The following TACC2 variants were observed in gnomAD, a reference collection of about 807,000 sequenced individuals.
The protein encoded by TACC2 is transforming acidic coiled-coil containing protein 2.
A neutral mutation model predicts 227.3 loss-of-function variants in TACC2; 137 were observed. That is an observed-to-expected ratio of 0.60 (90% CI 0.52 to 0.69). TACC2 has a LOEUF of 0.69. Among genes scored for constraint, TACC2 ranks in the 30% least tolerant of loss-of-function variants. The pLI is 0.00. For synonymous variants in TACC2, 1,523 were observed against 1,487.5 expected (o/e 1.02, Z -0.55); for missense variants, 3,470 against 3,694.4 (o/e 0.94, Z 1.57).
rs147270978 is a variant in TACC2 at position 122,141,181 on chromosome 10, A to G, written c.5700-2391A>G. 1.4e-3 allele frequency among the ~76,000 whole-genome samples: 219 copies of G among 151,710 alleles called. No homozygotes were observed. The highest frequency in any genetic ancestry group is 2.5e-3 in the Non-Finnish European group (171 of 67,914). On this transcript the variant is annotated intron_variant, in intron 6 of 22. Coordinates refer to ENST00000369005, the MANE Select transcript of TACC2 (RefSeq NM_206862.4). This position sits in a 1 kb window ranked among gnomAD's most constrained non-coding sequence, Gnocchi z 4.3. ...CTGGGAAAATTGGGGGAGGAGGAGG[A>G]GGGTCAGGAGGGAAGAGGAGAAGTT...
In TACC2 at chr10:122,237,505, C is replaced by T. The variant is rs2095879686; in HGVS notation, c.8238C>T (p.Asp2746=). Residue 2746 remains aspartate, a synonymous_variant, in exon 17 of 23, where the codon GAC becomes GAT. Transcript: ENST00000369005. The part of the protein sequence containing the change: ...KPAGLLFQQP[D]LDSALQIARA... ...CAGGCCTTCTGTTCCAGCAGCCCGA[C>T]CTGGACTCTGCCCTCCAGATCGCCA... 6 of 1,614,044 alleles carry T rather than the reference C, an allele frequency of 3.7e-6. No individual in the cohort carries two copies. Among genetic ancestry groups the T allele is most frequent in the Non-Finnish European group, 5.1e-6 (6 of 1,179,948 alleles).
intron 11 of TACC2, among the ~76,000 whole-genome samples, chr10:122,217,898 C>A (rs2095443637): frequency 6.6e-6 from 1 of 152,100 alleles, no homozygotes; most frequent in Admixed American, 6.6e-5. Flanking sequence ...TTTGACACTC[C>A]AGCTTTTGTG....
At chr10:122,190,780 C>T (rs1054356545) in intron 7 of TACC2, among the ~76,000 whole-genome samples, 1 of 152,140 alleles carries the variant, frequency 6.6e-6, no homozygotes, top group African/African-American at 2.4e-5. Context: ...CAACGGGCAT[C>T]CGGCTACCTC....
chr10:122,139,731 G>A (rs767311076), intron 6 of TACC2, among the ~76,000 whole-genome samples: 15 of 152,192 alleles, frequency 9.9e-5, no homozygotes, highest in Non-Finnish European at 1.8e-4. Context: ...CAAGAGGCCT[G>A]GGAGGAAGGG....
At chr10:122,036,239 A>G (rs1440033923) in intron 2 of TACC2, among the ~76,000 whole-genome samples, 2 of 143,904 alleles carry the variant, frequency 1.4e-5, no homozygotes, top group African/African-American at 5.3e-5. Flanking sequence ...GTCACCCAGG[A>G]TGGAGTGCAG....
chr10:122,016,559 T>C (rs1424072139), intron 1 of TACC2, among the ~76,000 whole-genome samples: 3 of 121,754 alleles, frequency 2.5e-5, no homozygotes, highest in African/African-American at 1.1e-4. Flanking sequence ...AGAATGAGAC[T>C]CTGTCTTAAA....
chr10:122,217,391 C>T (rs1156956727), intron 11 of TACC2, among the ~76,000 whole-genome samples: 1 of 151,572 alleles, frequency 6.6e-6, no homozygotes, highest in East Asian at 1.9e-4. Flanking sequence ...TATCCTTCCT[C>T]CTATGTATAT....
chr10:122,120,803 C>T (rs961234396), intron 5 of TACC2, among the ~76,000 whole-genome samples: 3 of 152,018 alleles, frequency 2.0e-5, no homozygotes, highest in African/African-American at 7.2e-5. Flanking sequence ...CTCTGTCGTC[C>T]AGGCTGGAGT....
At chr10:122,243,339 G>A (rs1477859127) in intron 19 of TACC2, among the ~76,000 whole-genome samples, 1 of 152,156 alleles carries the variant, frequency 6.6e-6, no homozygotes, top group Non-Finnish European at 1.5e-5. Context: ...CACTGTGCTG[G>A]CACCTGGTCC....
Position 122,084,416 on chromosome 10 carries a change from G to T in TACC2, c.1916G>T (p.Gly639Val), listed in dbSNP as rs764266181. ...SSHSAQPPRK[G>V]GAGHTDGPHS... ...CACTCAGCACAGCCACCCAGAAAGG[G>T]GGGTGCTGGGCACACGGACGGGCCC... is the stretch of plus-strand genomic sequence containing the variant. Residue 639 changes from glycine (G) to valine (V), a missense_variant, in exon 4 of 23, where the codon GGG (glycine) becomes GTG (valine). Physicochemically the swap from Gly to Val is moderately radical, Grantham distance 109 (BLOSUM62 -3). Transcript: ENST00000369005. 1 of 1,613,006 alleles carries T rather than the reference G, an allele frequency of 6.2e-7. No individual in the cohort carries two copies.
chr10:122,023,632 C>G (rs1957598626), intron 2 of TACC2: 1 of 151,574 alleles, frequency 6.6e-6, no homozygotes, highest in Non-Finnish European at 1.5e-5. Context: ...ACATCACACA[C>G]TGGGGCCTGT....
intron 3 of TACC2, among the ~76,000 whole-genome samples, chr10:122,066,396 G>A (rs2077394487): frequency 6.6e-6 from 1 of 152,014 alleles, no homozygotes; most frequent in African/African-American, 2.4e-5. Flanking sequence ...AGCCTCCTGA[G>A]TAGCTGGGAT....
rs1467059301 is a variant in TACC2 at position 122,084,425 on chromosome 10, G to A, written c.1925G>A (p.Gly642Glu). The A allele has an allele frequency of 7.4e-6, 12 of 1,612,886 alleles. No individual in the cohort carries two copies. The Middle Eastern group carries it at 1.2e-3, about 155-fold the overall frequency. Residue 642 changes from glycine (G) to glutamate (E), a missense_variant, in exon 4 of 23, where the codon GGG (glycine) becomes GAG (glutamate). Around this residue, in one of 10 missense-constraint regions of TACC2, gnomAD observed 1,924 missense variants for 1,978.3 expected, o/e 0.97. Coordinates refer to ENST00000369005, the MANE Select transcript of TACC2 (RefSeq NM_206862.4). ...SAQPPRKGGAGHTDGPHSQTA... is the reference protein window; with the variant it reads ...SAQPPRKGGAEHTDGPHSQTA... ...CAGCCACCCAGAAAGGGGGGTGCTG[G>A]GCACACGGACGGGCCCCACTCTCAG...
chr10:122,249,004 T>C lies in TACC2; in HGVS notation c.8554-46T>C, dbSNP rs1378261593. ...CTGGGGTTCCCACCAGTGCTGGGCA[T>C]TTGTTCTCGTGGGCTTGACGCCTGT... On this transcript the variant is annotated intron_variant, in intron 20 of 22. Transcript: ENST00000369005. 7 of 1,568,184 alleles carry C rather than the reference T, an allele frequency of 4.5e-6. No individual in the cohort carries two copies. In the African/African-American group the frequency reaches 8.1e-5, roughly 18 times the overall value.
chr10:122,037,139 T>C (rs1258666919), intron 2 of TACC2, among the ~76,000 whole-genome samples: 1 of 152,144 alleles, frequency 6.6e-6, no homozygotes, highest in African/African-American at 2.4e-5. Context: ...CAGGTGTGTA[T>C]GGTATAGGAA....
chr10:122,140,870 T>C (rs963319123), intron 6 of TACC2, among the ~76,000 whole-genome samples: 3 of 152,210 alleles, frequency 2.0e-5, no homozygotes, highest in Non-Finnish European at 4.4e-5. Flanking sequence ...ACTAGGCTCC[T>C]GGAGGACCAG....
At chr10:122,173,860 TG>T (rs1168657996) in intron 7 of TACC2, among the ~76,000 whole-genome samples, 3 of 152,172 alleles carry the variant, frequency 2.0e-5, no homozygotes, top group Admixed American at 1.3e-4. Context: ...AGCCCCTCTC[TG>T]GGGGCACAGC....
chr10:122,137,750 G>T (rs1444643410), intron 6 of TACC2, among the ~76,000 whole-genome samples: 1 of 152,318 alleles, frequency 6.6e-6, no homozygotes, highest in East Asian at 1.9e-4. Context: ...ATTGAGGGGG[G>T]TGTTGGGAGG....
At chr10:122,103,596 C>T (rs183159228) in intron 5 of TACC2, among the ~76,000 whole-genome samples, 2 of 152,306 alleles carry the variant, frequency 1.3e-5, no homozygotes, top group African/African-American at 4.8e-5. Context: ...ATGTGGATGG[C>T]ATTTTGCCAC....
Sources: allele counts gnomAD v4.1 joint callset (sites outside exome capture counted in the v4.1 genomes callset), GRCh38; gene constraint gnomAD v4.1.1; regional missense constraint gnomAD v4.1.1; non-coding constraint Gnocchi (gnomAD v3.1); transcripts MANE v1.5; gene names NCBI Gene and HGNC (gene_info 2026-07-23, HGNC 2026-07-21).